The following NEFM variants were observed in gnomAD, a reference collection of about 807,000 sequenced individuals.
NEFM encodes the protein neurofilament medium polypeptide.
NEFM carries 16 observed loss-of-function variants against 48.1 expected under a neutral mutation model. The ratio of observed to expected loss-of-function variants is 0.33; its 90% CI spans 0.23 to 0.51. The LOEUF is 0.51. Among genes scored for constraint, NEFM ranks in the 20% least tolerant of loss-of-function variants. The probability of loss-of-function intolerance (pLI) is 0.98; values close to 1 mark genes in which losing one functional copy is unlikely to be tolerated. For missense variants in NEFM, 1,107 were observed against 1,136.0 expected (o/e 0.97, Z 0.37); for synonymous variants, 465 against 456.9 (o/e 1.02, Z -0.23).
In NEFM at chr8:24,917,607, G is replaced by A. The variant is rs1802596411; in HGVS notation, c.1752G>A (p.Glu584=). 1 of 1,611,016 alleles carries A rather than the reference G, an allele frequency of 6.2e-7. No individual in the cohort carries two copies. The highest frequency in any genetic ancestry group is 8.5e-7 in the Non-Finnish European group (1 of 1,178,696). The change falls in exon 3 of 3, where the codon GAG becomes GAA. Residue 584 remains glutamate (E), a synonymous_variant. Transcript: ENST00000221166. ...AAGGAGAGGAAGCCGAAGCTAAAGAGGAAAAGAAAGTGGAGGAAAAGAGTG... is the reference window on the plus strand; with the variant it reads ...AAGGAGAGGAAGCCGAAGCTAAAGAAGAAAAGAAAGTGGAGGAAAAGAGTG... ...EAEGEEAEAK[E]EKKVEEKSEE...
chr8:24,918,447 G>C lies in NEFM; in HGVS notation c.2592G>C (p.Glu864Asp). 1 of 1,614,096 alleles carries C rather than the reference G, an allele frequency of 6.2e-7. No homozygotes were observed. The highest frequency in any genetic ancestry group is 1.1e-5 in the South Asian group (1 of 91,074). ...VTKTVEKITS[E>D]GGDGATKYIT... ...AAACGGTAGAAAAAATCACCAGTGA[G>C]GGGGGAGATGGTGCTACCAAATACA... The change falls in exon 3 of 3, where the codon GAG (glutamate) becomes GAC (aspartate). Residue 864 changes from glutamate (E) to aspartate (D), a missense_variant. By Grantham distance (45) the Glu-to-Asp change is conservative. Around this residue, in one of 3 missense-constraint regions of NEFM, gnomAD observed 917 missense variants for 916.4 expected, o/e 1.00. Coordinates refer to ENST00000221166, the MANE Select transcript of NEFM (RefSeq NM_005382.2).
In NEFM at chr8:24,915,650, G is replaced by A; in HGVS notation, c.1126G>A (p.Glu376Lys). The change falls in exon 2 of 3, where the codon GAA (glutamate) becomes AAA (lysine). Residue 376 changes from glutamate (E) to lysine (K), a missense_variant. This residue lies in a region of NEFM where 917 missense variants were observed against 916.4 expected (regional missense o/e 1.00). Coordinates refer to ENST00000221166, the MANE Select transcript of NEFM (RefSeq NM_005382.2). Reference sequence around the variant, plus strand: ...AAATGAGCTTCGGGGCACAAAGTGGGAAATGGCTCGTCATTTGCGCGAATA... The same window carrying A: ...AAATGAGCTTCGGGGCACAAAGTGGAAAATGGCTCGTCATTTGCGCGAATA... ...LENELRGTKW[E>K]MARHLREYQD... 4 of 1,614,068 alleles carry A rather than the reference G, an allele frequency of 2.5e-6. No individual in the cohort carries two copies. The highest frequency in any genetic ancestry group is 3.4e-6 in the Non-Finnish European group (4 of 1,180,020).
rs1331464291 is a variant in NEFM, at chr8:24,915,636, G to C, written c.1112G>C (p.Arg371Pro). Reference sequence around the variant, plus strand: ...ATCCAGCAGCTGGAAAATGAGCTTCGGGGCACAAAGTGGGAAATGGCTCGT... The same window carrying C: ...ATCCAGCAGCTGGAAAATGAGCTTCCGGGCACAAAGTGGGAAATGGCTCGT... ...DTIQQLENEL[R>P]GTKWEMARHL... The change falls in exon 2 of 3, where the codon CGG (arginine) becomes CCG (proline). Residue 371 changes from arginine to proline, a missense_variant. By Grantham distance (103) the Arg-to-Pro change is moderately radical. Coordinates refer to ENST00000221166, the MANE Select transcript of NEFM (RefSeq NM_005382.2). 1.9e-6 allele frequency: 3 copies of C among 1,613,818 alleles called. No individual in the cohort carries two copies. The highest frequency in any genetic ancestry group is 1.7e-6 in the Non-Finnish European group (2 of 1,179,994).
At position 24,914,471 on chromosome 8, in the gene NEFM, G is replaced by T. The variant is rs61735463; in HGVS notation, c.678G>T (p.Ser226=). ...TGGAGCTGGACAAGAAGGTGCAGTC[G>T]CTGCAGGATGAGGTGGCCTTCCTGC... is the stretch of plus-strand genomic sequence containing the variant. ...VKVELDKKVQ[S]LQDEVAFLRS... is the part of the protein sequence containing the mutation. The change falls in exon 1 of 3, where the codon TCG becomes TCT. Residue 226 remains serine, a synonymous_variant. Coordinates refer to ENST00000221166, the MANE Select transcript of NEFM (RefSeq NM_005382.2). The T allele has an allele frequency of 5.7e-4, 914 of 1,613,950 alleles. 3 individuals are homozygous for T. Among genetic ancestry groups the T allele is most frequent in the African/African-American group, 5.6e-3 (421 of 75,064 alleles).
chr8:24,915,230 T>G, intron 1 of NEFM: 1 of 1,271,636 alleles, frequency 7.9e-7, no homozygotes, highest in Non-Finnish European at 1.0e-6. Context: ...TTCTCTACTT[T>G]TCCGGCAGTG....
rs1011985478 is a variant in NEFM at position 24,918,739 on chromosome 8, C to A, written c.*133C>A. On this transcript the variant is annotated 3_prime_UTR_variant, in exon 3 of 3. Transcript: ENST00000221166. ...TTTTACTTTGTGCAATATGAGGGGA[C>A]TGCATGCAAGCTCAGGGTGCTCCCT... 19 of 753,644 alleles carry A rather than the reference C, an allele frequency of 2.5e-5. No homozygotes were observed. The East Asian group carries it at 4.5e-4, about 18-fold the overall frequency. The allele number at this position is 753,644 out of a possible 1,614,324, so 46.7% of individuals were successfully genotyped here.
chr8:24,917,413 G>C lies in NEFM; in HGVS notation c.1558G>C (p.Val520Leu). 1 of 1,562,604 alleles carries C rather than the reference G, an allele frequency of 6.4e-7. No homozygotes were observed. The highest frequency in any genetic ancestry group is 1.2e-5 in the South Asian group (1 of 85,484). ...TCCAGTGAAAGCAACTGCACCTGAA[G>C]TTAAAGAAGAGGAAGGGGAAAAGGA... ...KSPVKATAPE[V>L]KEEEGEKEEE... The change falls in exon 3 of 3, where the codon GTT becomes CTT. Residue 520 changes from valine to leucine, a missense_variant. Val to Leu is a conservative substitution (Grantham distance 32). This residue lies in a region of NEFM where 917 missense variants were observed against 916.4 expected (regional missense o/e 1.00). Transcript: ENST00000221166.
chr8:24,914,969 C>T, intron 1 of NEFM, 96 bp downstream of exon 1: 1 of 1,431,102 alleles, frequency 7.0e-7, no homozygotes, highest in Non-Finnish European at 9.0e-7. Context: ...CCGCCGCGCT[C>T]CCTGGTGGCC....
At position 24,915,660 on chromosome 8, in the gene NEFM, G is replaced by T. The variant is rs759465720; in HGVS notation, c.1136G>T (p.Arg379Leu). 6.2e-7 allele frequency: 1 copy of T among 1,614,070 alleles called. No individual in the cohort carries two copies. The highest frequency in any genetic ancestry group is 8.5e-7 in the Non-Finnish European group (1 of 1,180,014). Reference protein sequence around the residue: ...ELRGTKWEMARHLREYQDLLN... With the variant: ...ELRGTKWEMALHLREYQDLLN... ...CGGGGCACAAAGTGGGAAATGGCTC[G>T]TCATTTGCGCGAATACCAGGACCTC... is the stretch of plus-strand genomic sequence containing the variant. The change falls in exon 2 of 3, where the codon CGT (arginine) becomes CTT (leucine). Residue 379 changes from arginine (R) to leucine (L), a missense_variant. By Grantham distance (102) the Arg-to-Leu change is moderately radical (BLOSUM62 -2). Coordinates refer to ENST00000221166, the MANE Select transcript of NEFM (RefSeq NM_005382.2).
rs1389968694 is a variant in NEFM at position 24,913,926 on chromosome 8, C to T, written c.133C>T (p.Pro45Ser). ...CTCGCAGTCGTGGTCCCGCGGCTCG[C>T]CCAGCACCGTGTCCTCCTCCTATAA... is the stretch of plus-strand genomic sequence containing the variant. ...FRSQSWSRGS[P>S]STVSSSYKRS... is the part of the protein sequence containing the mutation. Residue 45 changes from proline (P) to serine (S), a missense_variant, in exon 1 of 3, where the codon CCC becomes TCC. Around this residue, in one of 3 missense-constraint regions of NEFM, gnomAD observed 186 missense variants for 200.6 expected, o/e 0.93. Coordinates refer to ENST00000221166, the MANE Select transcript of NEFM (RefSeq NM_005382.2). 6.2e-7 allele frequency: 1 copy of T among 1,611,444 alleles called. No homozygotes were observed. The highest frequency in any genetic ancestry group is 8.5e-7 in the Non-Finnish European group (1 of 1,179,392).
In NEFM at chr8:24,914,444, G is replaced by A. The variant is rs753909269; in HGVS notation, c.651G>A (p.Lys217=). 54 of 1,613,702 alleles carry A rather than the reference G, an allele frequency of 3.3e-5. No individual in the cohort carries two copies. The highest frequency in any genetic ancestry group is 8.8e-5 in the South Asian group (8 of 91,096). ...RKDIEEASLV[K]VELDKKVQSL... ...ACATCGAGGAGGCGTCGCTGGTCAA[G>A]GTGGAGCTGGACAAGAAGGTGCAGT... The change falls in exon 1 of 3, where the codon AAG becomes AAA. Residue 217 remains lysine (K), a synonymous_variant. Transcript: ENST00000221166.
Position 24,918,352 on chromosome 8 carries a change from G to A in NEFM, c.2497G>A (p.Gly833Ser). The A allele has an allele frequency of 6.2e-7, 1 of 1,614,054 alleles. No homozygotes were observed. ...AGAGGAGAAAGGCGTTGTCACCAAT[G>A]GCCTAGACTTGAGCCCAGCAGATGA... ...REEEKGVVTN[G>S]LDLSPADEKK... Residue 833 changes from glycine to serine, a missense_variant, in exon 3 of 3, where the codon GGC becomes AGC. This residue lies in a region of NEFM where 917 missense variants were observed against 916.4 expected (regional missense o/e 1.00). Coordinates refer to ENST00000221166, the MANE Select transcript of NEFM (RefSeq NM_005382.2).
chr8:24,913,994 G>A lies in NEFM; in HGVS notation c.201G>A (p.Met67Ile). The part of the protein sequence containing the change: ...LAPRLAYSSA[M>I]LSSAESSLDF... ...CGCGCCTCGCTTACAGCTCGGCCAT[G>A]CTCAGCTCCGCCGAGAGCAGCCTTG... The change falls in exon 1 of 3, where the codon ATG becomes ATA. Residue 67 changes from methionine to isoleucine, a missense_variant. By Grantham distance (10) the Met-to-Ile change is conservative. Coordinates refer to ENST00000221166, the MANE Select transcript of NEFM (RefSeq NM_005382.2). 6.2e-7 allele frequency: 1 copy of A among 1,611,808 alleles called. No individual in the cohort carries two copies. The highest frequency in any genetic ancestry group is 1.1e-5 in the South Asian group (1 of 91,062).
At chr8:24,915,408 T>G (rs1385196197) in intron 1 of NEFM, 197 bp from the exon 2 acceptor site, 1 of 1,070,508 alleles carries the variant, frequency 9.3e-7, no homozygotes, top group Admixed American at 2.7e-5. Flanking sequence ...CTTACTGATC[T>G]TGTATGTTCA....
Position 24,914,610 on chromosome 8 carries a change from A to G in NEFM, c.817A>G (p.Ile273Val). ...AGACATCTCGACGGCGCTGAAGGAA[A>G]TCCGCTCCCAGCTCGAAAGCCACTC... ...KTDISTALKEIRSQLESHSDQ... is the reference protein window; with the variant it reads ...KTDISTALKEVRSQLESHSDQ... The change falls in exon 1 of 3, where the codon ATC (isoleucine) becomes GTC (valine). Residue 273 changes from isoleucine (I) to valine (V), a missense_variant. Ile to Val is a conservative substitution (Grantham distance 29). Transcript: ENST00000221166. 6.2e-7 allele frequency: 1 copy of G among 1,614,198 alleles called. No individual in the cohort carries two copies. The highest frequency in any genetic ancestry group is 8.5e-7 in the Non-Finnish European group (1 of 1,180,040).
At position 24,914,712 on chromosome 8, in the gene NEFM, A is replaced by G. The variant is rs746840599; in HGVS notation, c.919A>G (p.Lys307Glu). 4 of 1,614,024 alleles carry G rather than the reference A, an allele frequency of 2.5e-6. No individual in the cohort carries two copies. The highest frequency in any genetic ancestry group is 3.4e-6 in the Non-Finnish European group (4 of 1,180,006). The change falls in exon 1 of 3, where the codon AAG becomes GAG. Residue 307 changes from lysine (K) to glutamate (E), a missense_variant. Physicochemically the swap from Lys to Glu is moderately conservative, Grantham distance 56 (BLOSUM62 1). Coordinates refer to ENST00000221166, the MANE Select transcript of NEFM (RefSeq NM_005382.2). ...GCTCACCGAGGCGGCCGAGCAGAAC[A>G]AGGAGGCCATCCGCTCCGCCAAGGA... ...AKLTEAAEQN[K>E]EAIRSAKEEI...
intron 2 of NEFM, among the ~76,000 whole-genome samples, chr8:24,916,718 C>T (rs1464402507): frequency 1.3e-5 from 2 of 151,622 alleles, no homozygotes; most frequent in Non-Finnish European, 1.5e-5. Flanking sequence ...TTGTTTTTTG[C>T]TATTTGGCCA....
rs1296861599 is a variant in NEFM, at chr8:24,918,639, T to G, written c.*33T>G. On this transcript the variant is annotated 3_prime_UTR_variant, in exon 3 of 3. Transcript: ENST00000221166. ...GTCCATTGCAAAAGGTTAAGCCATA[T>G]GACAATTTCAAAATGCATGTGATTG... is the stretch of plus-strand genomic sequence containing the variant. 6.7e-7 allele frequency: 1 copy of G among 1,499,812 alleles called. No homozygotes were observed. The highest frequency in any genetic ancestry group is 9.2e-7 in the Non-Finnish European group (1 of 1,082,702). 92.9% of individuals were successfully genotyped at this position (1,499,812 alleles called of 1,614,324 possible).
intron 2 of NEFM, among the ~76,000 whole-genome samples, chr8:24,916,768 A>C (rs59128512): frequency 0.014 from 2,091 of 152,148 alleles, 53 homozygotes; most frequent in African/African-American, 0.048. Context: ...TACCTAATGG[A>C]TCTCTACTGC....
Sources: allele counts gnomAD v4.1 joint callset (sites outside exome capture counted in the v4.1 genomes callset), GRCh38; gene constraint gnomAD v4.1.1; regional missense constraint gnomAD v4.1.1; transcripts MANE v1.5; gene names NCBI Gene and HGNC (gene_info 2026-07-23, HGNC 2026-07-21).